KIF17: variants seen among roughly 807,000 people sequenced by gnomAD.
KIF17 encodes the protein kinesin-like protein KIF17.
In KIF17, 80 loss-of-function variants were observed where a neutral mutation model predicts 96.8. The ratio of observed to expected loss-of-function variants is 0.83; its 90% CI spans 0.69 to 1.00. The LOEUF is 1.00. KIF17 is among the 50% of genes least tolerant of loss of function. KIF17 has a pLI of 0.00. For missense variants in KIF17, 1,280 were observed against 1,372.9 expected, an observed-to-expected ratio of 0.93 and a Z score of 1.07; for synonymous variants, 567 against 587.5, an observed-to-expected ratio of 0.97 and a Z score of 0.51.
chr1:20,687,570 C>G lies in KIF17; in HGVS notation c.1756G>C (p.Ala586Pro), dbSNP rs149437507. 6.2e-7 allele frequency: 1 copy of G among 1,613,886 alleles called. No homozygotes were observed. Among genetic ancestry groups the G allele is most frequent in the African/African-American group, 1.3e-5 (1 of 75,052 alleles). ...TTCTGTTCCCCCAGCAGGTGCCCAG[C>G]GGCCTCCTGCCCGAGGCACTCATCC... The part of the protein sequence containing the change: ...FLDECLGQEA[A>P]GHLLGEQNYL... The change falls in exon 8 of 15, where the codon GCT becomes CCT. Residue 586 changes from alanine (A) to proline (P), a missense_variant. Ala to Pro is a conservative substitution (Grantham distance 27). Coordinates refer to ENST00000400463, the MANE Select transcript of KIF17 (RefSeq NM_001122819.3). The surrounding 1 kb of genome is among the most constrained non-coding windows in gnomAD (Gnocchi z 4.4).
At chr1:20,708,125 A>C (rs112287325) in intron 4 of KIF17, among the ~76,000 whole-genome samples, 1 of 151,872 alleles carries the variant, frequency 6.6e-6, no homozygotes, top group Non-Finnish European at 1.5e-5. Context: ...CTCCCTCCTG[A>C]TCTGTCCTCA....
chr1:20,661,764 G>A (rs1326378143), downstream of KIF17, among the ~76,000 whole-genome samples: 1 of 152,250 alleles, frequency 6.6e-6, no homozygotes, highest in Non-Finnish European at 1.5e-5. Flanking sequence ...AGGGTGTTTG[G>A]CCACCTTCTT....
rs2053962738 is a variant in KIF17, at chr1:20,687,630, T to A, written c.1696A>T (p.Met566Leu). ...CTGCTCCTGGACTCCTCAGTGGGCA[T>A]GGAGACCTCCACGTTGGAGGGCTCC... ...PEEPSNVEVS[M>L]PTEESRSRYF... The change falls in exon 8 of 15, where the codon ATG (methionine) becomes TTG (leucine). Residue 566 changes from methionine (M) to leucine (L), a missense_variant. By Grantham distance (15) the Met-to-Leu change is conservative. Coordinates refer to ENST00000400463, the MANE Select transcript of KIF17 (RefSeq NM_001122819.3). The surrounding 1 kb of genome is among the most constrained non-coding windows in gnomAD (Gnocchi z 4.4). 1.2e-6 allele frequency: 2 copies of A among 1,614,154 alleles called. No individual in the cohort carries two copies. Among genetic ancestry groups the A allele is most frequent in the Non-Finnish European group, 8.5e-7 (1 of 1,180,022 alleles).
intron 11 of KIF17, 62 bp downstream of exon 11, chr1:20,682,591 G>T: frequency 1.4e-6 from 2 of 1,442,112 alleles, no homozygotes; most frequent in South Asian, 1.1e-5. Flanking sequence ...AGGGATGCCT[G>T]GATCGGGGGG....
chr1:20,672,884 TG>T lies in KIF17; in HGVS notation c.2464-689del. 6.2e-6 allele frequency: 1 copy of T among 160,358 alleles called. No homozygotes were observed. The highest frequency in any genetic ancestry group is 5.7e-5 in the Admixed American group (1 of 17,552). The allele number at this position is 160,358 out of a possible 1,614,324, so 9.9% of individuals were successfully genotyped here. A position where few individuals can be genotyped will look rare whatever the true frequency, so the allele number is the denominator to read the frequency against. On this transcript the variant is annotated intron_variant, in intron 11 of 14. Coordinates refer to ENST00000400463, the MANE Select transcript of KIF17 (RefSeq NM_001122819.3). This position sits in a 1 kb window ranked among gnomAD's most constrained non-coding sequence, Gnocchi z 4.3. ...CTCCCTGAGCCCCAAGACTACCTGG[TG>T]CACAGTCTGTTTCCTCAAAGAGCAG...
chr1:20,712,896 AT>A (rs2054498811), intron 3 of KIF17, among the ~76,000 whole-genome samples: 1 of 46,266 alleles, frequency 2.2e-5, no homozygotes, highest in Non-Finnish European at 4.8e-5. Flanking sequence ...TATAGATAAT[AT>A]TATCTATATT....
At chr1:20,695,134 ACACG>A (rs1351435724) in intron 6 of KIF17, among the ~76,000 whole-genome samples, 10 of 148,056 alleles carry the variant, frequency 6.8e-5, no homozygotes, top group East Asian at 1.9e-4. Flanking sequence ...ACACGCACAC[ACACG>A]CACACACACA....
intron 5 of KIF17, among the ~76,000 whole-genome samples, chr1:20,702,699 G>C (rs1474898312): frequency 6.6e-6 from 1 of 152,192 alleles, no homozygotes; most frequent in Admixed American, 6.5e-5. Context: ...CATCCTAACA[G>C]GGAAATTTCT....
chr1:20,664,863 C>T (rs1032262557), intron 14 of KIF17, 101 bp from the exon 15 acceptor site: 99 of 1,089,632 alleles, frequency 9.1e-5, no homozygotes, highest in Non-Finnish European at 1.2e-4. Context: ...ACCCCACTCC[C>T]GCCCCCCTGC....
In KIF17 at chr1:20,685,594, C is replaced by T. The variant is rs1042005274; in HGVS notation, c.2019+452G>A. Reference sequence around the variant, plus strand: ...TCTACGCCCTGCTGAGAGCCTGCTGCAGGCCCGGTGCCCAGCCCACACTTG... The same window carrying T: ...TCTACGCCCTGCTGAGAGCCTGCTGTAGGCCCGGTGCCCAGCCCACACTTG... On this transcript the variant is annotated intron_variant, in intron 9 of 14. Transcript: ENST00000400463. This position sits in a 1 kb window ranked among gnomAD's most constrained non-coding sequence, Gnocchi z 4.1. 5.3e-5 allele frequency among the ~76,000 whole-genome samples: 8 copies of T among 152,114 alleles called. No homozygotes were observed. Among genetic ancestry groups the T allele is most frequent in the Admixed American group, 1.3e-4 (2 of 15,262 alleles).
intron 6 of KIF17, among the ~76,000 whole-genome samples, chr1:20,692,449 T>C (rs2054056808): frequency 6.6e-6 from 1 of 151,996 alleles, no homozygotes. Flanking sequence ...CAAGTGATTC[T>C]CCTGATTCTC....
Position 20,690,352 on chromosome 1 carries a change from G to GGGGGGCC in KIF17, c.1234-18_1234-17insGGCCCCC. The stretch of plus-strand genomic sequence containing the variant: ...TTCATACTCCTGGGGGGGTGGGAGG[G>GGGGGGCC]ACCAGAGGGCAGGCAGCATTTTATC... On this transcript the variant is annotated splice_polypyrimidine_tract_variant and intron_variant, in intron 6 of 14. Coordinates refer to ENST00000400463, the MANE Select transcript of KIF17 (RefSeq NM_001122819.3). The GGGGGGCC allele has an allele frequency of 2.4e-5, 11 of 451,146 alleles. No homozygotes were observed. The highest frequency in any genetic ancestry group is 4.3e-5 in the Non-Finnish European group (10 of 235,132). The allele number at this position is 451,146 out of a possible 1,614,324, so 27.9% of individuals were successfully genotyped here. A position where few individuals can be genotyped will look rare whatever the true frequency, so the allele number is the denominator to read the frequency against.
intron 6 of KIF17, among the ~76,000 whole-genome samples, chr1:20,691,067 G>A (rs1480408643): frequency 6.6e-6 from 1 of 151,980 alleles, no homozygotes; most frequent in South Asian, 2.1e-4. Context: ...TTGGGAAGCT[G>A]AGGCAGATCG....
intron 11 of KIF17, among the ~76,000 whole-genome samples, chr1:20,673,533 A>ATTT (rs35306944): frequency 1.6e-4 from 21 of 134,788 alleles, no homozygotes; most frequent in African/African-American, 4.4e-4. Context: ...AGCCTGCTCC[A>ATTT]TTTTTTTTTT....
chr1:20,716,162 T>C (rs1048359994), intron 1 of KIF17, among the ~76,000 whole-genome samples: 2 of 150,544 alleles, frequency 1.3e-5, no homozygotes, highest in African/African-American at 4.9e-5. Flanking sequence ...GCAGGAGAAT[T>C]TATTGAACCC....
At position 20,704,612 on chromosome 1, in the gene KIF17, C is replaced by T. The variant is rs139202591; in HGVS notation, c.958G>A (p.Asp320Asn). The T allele has an allele frequency of 6.5e-5, 105 of 1,614,012 alleles. No homozygotes were observed. The highest frequency in any genetic ancestry group is 2.3e-4 in the African/African-American group (17 of 74,912). ...TAGCGCAGCGTGCTGAGTGTCTCATCGTAGTTGTTGTCCGCAGGCGACAGG... is the reference window on the plus strand; with the variant it reads ...TAGCGCAGCGTGCTGAGTGTCTCATTGTAGTTGTTGTCCGCAGGCGACAGG... ...ACLSPADNNYDETLSTLRYAN... is the reference protein window; with the variant it reads ...ACLSPADNNYNETLSTLRYAN... The change falls in exon 5 of 15, where the codon GAT becomes AAT. Residue 320 changes from aspartate to asparagine, a missense_variant. Coordinates refer to ENST00000400463, the MANE Select transcript of KIF17 (RefSeq NM_001122819.3). This position sits in a 1 kb window ranked among gnomAD's most constrained non-coding sequence, Gnocchi z 6.8.
At chr1:20,669,226 T>C (rs966843842) in intron 13 of KIF17, among the ~76,000 whole-genome samples, 6 of 152,032 alleles carry the variant, frequency 3.9e-5, no homozygotes, top group African/African-American at 1.2e-4. Context: ...CTTAAAAAAC[T>C]GGAAGAGTTT....
At chr1:20,663,166 G>T (rs930404406), downstream of KIF17, among the ~76,000 whole-genome samples, 1 of 152,196 alleles carries the variant, frequency 6.6e-6, no homozygotes, top group African/African-American at 2.4e-5. Flanking sequence ...GGAGGCTTCA[G>T]TGAGCTGAGA....
chr1:20,663,298 C>A (rs1448902535), downstream of KIF17, among the ~76,000 whole-genome samples: 1 of 152,166 alleles, frequency 6.6e-6, no homozygotes, highest in Non-Finnish European at 1.5e-5. Flanking sequence ...CTGCCTGCCT[C>A]TGGCTGGATA....
Sources: gnomAD v4.1 joint callset for allele counts (sites outside exome capture counted in the v4.1 genomes callset) on GRCh38, gnomAD v4.1.1 for gene constraint, Gnocchi (gnomAD v3.1) non-coding constraint, MANE v1.5 for transcripts, NCBI Gene and HGNC (gene_info 2026-07-23, HGNC 2026-07-21) for gene names.